Variants in SORCS2 observed in about 807,000 individuals in gnomAD.
SORCS2 encodes sortilin related VPS10 domain containing receptor 2, also known as VPS10 domain-containing receptor SorCS2.
SORCS2 carries 100 observed loss-of-function variants against 141.6 expected under a neutral mutation model. The observed-to-expected ratio is 0.71, with a 90% confidence interval of 0.60 to 0.83. The LOEUF is 0.83. SORCS2 is among the 40% of genes least tolerant of loss of function. SORCS2 has a pLI of 0.00. For missense variants in SORCS2, 1,646 were observed against 1,560.2 expected, an observed-to-expected ratio of 1.05 and a Z score of -0.93; for synonymous variants, 789 against 676.9, an observed-to-expected ratio of 1.17 and a Z score of -2.57.
chr4:7,388,752 A>C (rs1346162133), intron 1 of SORCS2, among the ~76,000 whole-genome samples: 1 of 152,014 alleles, frequency 6.6e-6, no homozygotes, highest in Non-Finnish European at 1.5e-5. Flanking sequence ...GGCACGGGAG[A>C]TCTCCCTGCA....
intron 1 of SORCS2, among the ~76,000 whole-genome samples, chr4:7,266,285 T>C (rs1036728068): frequency 2.0e-5 from 3 of 152,128 alleles, no homozygotes; most frequent in East Asian, 1.9e-4. Flanking sequence ...TCCGTGGAAG[T>C]TGGGAGAAGA....
intron 1 of SORCS2, among the ~76,000 whole-genome samples, chr4:7,280,556 G>A (rs576809892): frequency 2.0e-5 from 3 of 152,172 alleles, no homozygotes; most frequent in South Asian, 4.1e-4. Context: ...GTCATTCTGG[G>A]AGGGCCAGTG....
chr4:7,641,620 A>G (rs1720731534), intron 4 of SORCS2, among the ~76,000 whole-genome samples: 1 of 151,742 alleles, frequency 6.6e-6, no homozygotes, highest in African/African-American at 2.4e-5. Flanking sequence ...GGGCAGGGAA[A>G]GTGTCTGGTC....
At chr4:7,540,227 C>T (rs1712516316) in intron 3 of SORCS2, among the ~76,000 whole-genome samples, 2 of 148,630 alleles carry the variant, frequency 1.3e-5, no homozygotes, top group South Asian at 4.3e-4. Flanking sequence ...TCTGCCTCTC[C>T]CTGCCCCTGC....
chr4:7,366,551 C>G (rs1439924572), intron 1 of SORCS2, among the ~76,000 whole-genome samples: 1 of 151,632 alleles, frequency 6.6e-6, no homozygotes, highest in Non-Finnish European at 1.5e-5. Context: ...TCACCCCCTC[C>G]TCCATCCTCA....
chr4:7,388,857 T>C (rs542589390), intron 1 of SORCS2, among the ~76,000 whole-genome samples: 27 of 152,214 alleles, frequency 1.8e-4, no homozygotes, highest in African/African-American at 6.5e-4. Context: ...CCCCAGGCCC[T>C]GCTGGTGGAT....
intron 1 of SORCS2, among the ~76,000 whole-genome samples, chr4:7,334,500 G>A (rs1428589538): frequency 1.3e-5 from 2 of 152,164 alleles, no homozygotes; most frequent in Non-Finnish European, 2.9e-5. Flanking sequence ...GCCTAGCACA[G>A]AACCTGACAC....
At chr4:7,713,203 C>G (rs1725944168) in intron 15 of SORCS2, among the ~76,000 whole-genome samples, 1 of 152,120 alleles carries the variant, frequency 6.6e-6, no homozygotes, top group Non-Finnish European at 1.5e-5. Context: ...ACATTGGGGT[C>G]TGGGTGTGGA....
At chr4:7,660,683 C>T (rs1722103403) in intron 5 of SORCS2, among the ~76,000 whole-genome samples, 2 of 152,216 alleles carry the variant, frequency 1.3e-5, no homozygotes, top group African/African-American at 4.8e-5. Context: ...AGGCAAGTCA[C>T]AGACCCGTTC....
rs1308143603 is a variant in SORCS2 at position 7,193,976 on chromosome 4, T to G, written c.480+850T>G. Reference sequence around the variant, plus strand: ...GCAGGAGGCAGAGGGTCCCTTTAGATTATTCCCCTGGGGGCTGCCTCAACC... The same window carrying G: ...GCAGGAGGCAGAGGGTCCCTTTAGAGTATTCCCCTGGGGGCTGCCTCAACC... On this transcript the variant is annotated intron_variant, in intron 1 of 26. Coordinates refer to ENST00000507866, the MANE Select transcript of SORCS2 (RefSeq NM_020777.3). This position sits in a 1 kb window ranked among gnomAD's most constrained non-coding sequence, Gnocchi z 4.8. Among the ~76,000 whole-genome samples, 1 of 152,042 alleles carries G rather than the reference T, an allele frequency of 6.6e-6. No homozygotes were observed. Among genetic ancestry groups the G allele is most frequent in the Non-Finnish European group, 1.5e-5 (1 of 67,998 alleles).
chr4:7,580,316 T>C (rs959279759), intron 3 of SORCS2, among the ~76,000 whole-genome samples: 2 of 152,024 alleles, frequency 1.3e-5, no homozygotes, highest in African/African-American at 4.8e-5. Flanking sequence ...ACCCCATCTC[T>C]ACTAAAAAGA....
rs1245088559 is a variant in SORCS2, at chr4:7,664,148, G to A, written c.953-205G>A. On this transcript the variant is annotated intron_variant, in intron 6 of 26. Transcript: ENST00000507866. This position sits in a 1 kb window ranked among gnomAD's most constrained non-coding sequence, Gnocchi z 4.7. The stretch of plus-strand genomic sequence containing the variant: ...CACGAACACCTTCCTGAGGGTTGAA[G>A]GAGCTCGTGTCAGAGTGCAGGTGGC... 6.6e-6 allele frequency among the ~76,000 whole-genome samples: 1 copy of A among 152,146 alleles called. No individual in the cohort carries two copies. The highest frequency in any genetic ancestry group is 1.5e-5 in the Non-Finnish European group (1 of 68,024).
chr4:7,601,616 CAAAAAAAA>C (rs1168678841), intron 3 of SORCS2, among the ~76,000 whole-genome samples: 7 of 45,632 alleles, frequency 1.5e-4, no homozygotes, highest in African/African-American at 4.6e-4. Context: ...AAGACTCTCT[CAAAAAAAA>C]AAAAAAAAAA....
At chr4:7,563,623 G>A (rs961372961) in intron 3 of SORCS2, among the ~76,000 whole-genome samples, 4 of 152,178 alleles carry the variant, frequency 2.6e-5, no homozygotes, top group Non-Finnish European at 5.9e-5. Flanking sequence ...TCCTTGACAA[G>A]ATGCCATCTG....
chr4:7,631,816 G>A (rs879369509), intron 3 of SORCS2, among the ~76,000 whole-genome samples: 2 of 151,956 alleles, frequency 1.3e-5, no homozygotes, highest in Admixed American at 6.5e-5. Flanking sequence ...GAAATCCATC[G>A]TGAAAGCCCT....
intron 2 of SORCS2, among the ~76,000 whole-genome samples, chr4:7,450,849 T>C (rs1452218308): frequency 4.6e-5 from 7 of 151,820 alleles, no homozygotes; most frequent in Non-Finnish European, 1.0e-4. Flanking sequence ...AATGAGTGAA[T>C]GGATGGGAGA....
chr4:7,267,405 G>A lies in SORCS2; in HGVS notation c.480+74279G>A, dbSNP rs539322911. ...GCAGCTCCGAGGATGGGTCGAGTAGGGCGTCTATTTCCCCGCCCCTACCCA... is the reference window on the plus strand; with the variant it reads ...GCAGCTCCGAGGATGGGTCGAGTAGAGCGTCTATTTCCCCGCCCCTACCCA... On this transcript the variant is annotated intron_variant, in intron 1 of 26. Transcript: ENST00000507866. 1.6e-4 allele frequency among the ~76,000 whole-genome samples: 24 copies of A among 152,264 alleles called. No homozygotes were observed. The South Asian group carries it at 4.8e-3, about 30-fold the overall frequency.
At chr4:7,244,471 C>T (rs1712942421) in intron 1 of SORCS2, among the ~76,000 whole-genome samples, 1 of 152,242 alleles carries the variant, frequency 6.6e-6, no homozygotes, top group South Asian at 2.1e-4. Flanking sequence ...GTCCCTGCCC[C>T]TCGGTCGCTG....
intron 2 of SORCS2, among the ~76,000 whole-genome samples, chr4:7,484,748 C>A (rs996771071): frequency 6.6e-6 from 1 of 152,180 alleles, no homozygotes; most frequent in Non-Finnish European, 1.5e-5. Flanking sequence ...CTGAGGCCAT[C>A]TTCACAACAC....
Sources: gnomAD v4.1 joint callset for allele counts (sites outside exome capture counted in the v4.1 genomes callset) on GRCh38, gnomAD v4.1.1 for gene constraint, Gnocchi (gnomAD v3.1) non-coding constraint, MANE v1.5 for transcripts, NCBI Gene and HGNC (gene_info 2026-07-23, HGNC 2026-07-21) for gene names.